KCNIP4: variants seen among roughly 807,000 people sequenced by gnomAD.
The protein encoded by KCNIP4 is Kv channel-interacting protein 4.
A neutral mutation model predicts 34.0 loss-of-function variants in KCNIP4; 12 were observed. The observed-to-expected ratio is 0.35, with a 90% CI of 0.23 to 0.57. KCNIP4 has a LOEUF of 0.57. Ranked by LOEUF, KCNIP4 falls within the 20% of genes least tolerant of loss-of-function variation. The probability of loss-of-function intolerance (pLI) is 0.83; values close to 1 mark genes in which losing one functional copy is unlikely to be tolerated. For missense variants in KCNIP4, 238 were observed against 311.7 expected, an observed-to-expected ratio of 0.76 and a Z score of 1.78; for synonymous variants, 124 against 102.2, an observed-to-expected ratio of 1.21 and a Z score of -1.29.
At chr4:21,121,015 C>T (rs1394952204) in intron 1 of KCNIP4, among the ~76,000 whole-genome samples, 1 of 152,180 alleles carries the variant, frequency 6.6e-6, no homozygotes. Flanking sequence ...GAGTGTGTGA[C>T]AGTTTGCCCC....
In KCNIP4 at chr4:21,762,882, G is replaced by A. The variant is rs1031514988; in HGVS notation, c.61+185689C>T. On this transcript the variant is annotated intron_variant, in intron 1 of 8. Coordinates refer to ENST00000382152, the MANE Select transcript of KCNIP4 (RefSeq NM_025221.6). ...AAAGGAGAATCCCAGAAGATTGGGA[G>A]GGGGGTGTAGGTGGATGGAATTGGA... 9 of 1,230,020 alleles carry A rather than the reference G, an allele frequency of 7.3e-6. No individual in the cohort carries two copies. The African/African-American group carries it at 9.3e-5, about 13-fold the overall frequency. The allele number at this position is 1,230,020 out of a possible 1,614,324, so 76.2% of individuals were successfully genotyped here.
At chr4:21,271,199 C>A (rs988953799) in intron 1 of KCNIP4, among the ~76,000 whole-genome samples, 14 of 152,098 alleles carry the variant, frequency 9.2e-5, no homozygotes, top group Non-Finnish European at 1.5e-4. Context: ...CACACGAAAT[C>A]TGAGGCATTC....
chr4:21,727,181 A>G (rs1021237949), intron 1 of KCNIP4, among the ~76,000 whole-genome samples: 3 of 152,304 alleles, frequency 2.0e-5, no homozygotes, highest in South Asian at 2.1e-4. Context: ...GACCTTTAAG[A>G]AATGATTAAG....
At chr4:20,947,080 T>C (rs1732266262) in intron 1 of KCNIP4, among the ~76,000 whole-genome samples, 1 of 152,210 alleles carries the variant, frequency 6.6e-6, no homozygotes, top group Non-Finnish European at 1.5e-5. Context: ...CCCTTAGTCT[T>C]GAGGGATCAG....
At chr4:21,087,145 A>AATGT (rs1553935800) in intron 1 of KCNIP4, among the ~76,000 whole-genome samples, 9 of 70,258 alleles carry the variant, frequency 1.3e-4, no homozygotes, top group Non-Finnish European at 2.5e-4. Flanking sequence ...ACTGCTGGGT[A>AATGT]ATGTGTGTGT....
intron 1 of KCNIP4, among the ~76,000 whole-genome samples, chr4:21,942,519 T>C (rs1463122798): frequency 3.3e-5 from 5 of 152,176 alleles, no homozygotes; most frequent in Admixed American, 6.5e-5. Flanking sequence ...CTGATAGTCA[T>C]GGTGCTATAG....
chr4:21,314,180 T>C (rs1160711454), intron 1 of KCNIP4, among the ~76,000 whole-genome samples: 1 of 152,212 alleles, frequency 6.6e-6, no homozygotes, highest in Non-Finnish European at 1.5e-5. Context: ...GGTAGGTTGC[T>C]CTTTCAATGC....
At chr4:21,044,649 G>T (rs531244809) in intron 1 of KCNIP4, among the ~76,000 whole-genome samples, 8 of 152,158 alleles carry the variant, frequency 5.3e-5, no homozygotes, top group Non-Finnish European at 1.2e-4. Flanking sequence ...GACTCCACAT[G>T]CTTCCAGAGC....
At chr4:21,106,509 T>C (rs2109086001) in intron 1 of KCNIP4, among the ~76,000 whole-genome samples, 1 of 151,704 alleles carries the variant, frequency 6.6e-6, no homozygotes, top group African/African-American at 2.4e-5. Context: ...TTAGTCTTGC[T>C]AGCAGTCTAT....
intron 1 of KCNIP4, among the ~76,000 whole-genome samples, chr4:21,564,301 C>T (rs1739673694): frequency 6.6e-6 from 1 of 152,080 alleles, no homozygotes; most frequent in African/African-American, 2.4e-5. Context: ...GTCCTTCTTC[C>T]ATGGATTTAA....
intron 1 of KCNIP4, among the ~76,000 whole-genome samples, chr4:21,539,755 C>T (rs538868973): frequency 3.9e-5 from 6 of 152,066 alleles, no homozygotes; most frequent in Middle Eastern, 3.4e-3. Context: ...CCCAGGCAGG[C>T]GGATCCCGAG....
At chr4:21,501,694 G>GTGTGTGTGTGTGTGTGTT (rs1733361983) in intron 1 of KCNIP4, among the ~76,000 whole-genome samples, 1 of 149,780 alleles carries the variant, frequency 6.7e-6, no homozygotes, top group Admixed American at 6.7e-5. Flanking sequence ...AGCCTTGTGT[G>GTGTGTGTGTGTGTGTGTT]TGTGTGTGTG....
intron 1 of KCNIP4, among the ~76,000 whole-genome samples, chr4:21,296,408 CT>C (rs201961246): frequency 0.013 from 1,862 of 144,548 alleles, 10 homozygotes; most frequent in Non-Finnish European, 0.015. Flanking sequence ...CTCTCTCTCT[CT>C]TTTTTTTTTT....
intron 1 of KCNIP4, among the ~76,000 whole-genome samples, chr4:21,090,896 C>G (rs1366469504): frequency 6.6e-6 from 1 of 152,052 alleles, no homozygotes; most frequent in Non-Finnish European, 1.5e-5. Flanking sequence ...GAATACAGAG[C>G]AAAAACAGAA....
intron 1 of KCNIP4, among the ~76,000 whole-genome samples, chr4:21,820,184 C>T (rs1722243745): frequency 6.6e-6 from 1 of 150,594 alleles, no homozygotes; most frequent in South Asian, 2.1e-4. Context: ...GTGCAAATCA[C>T]ATTACATATC....
intron 1 of KCNIP4, among the ~76,000 whole-genome samples, chr4:21,343,124 T>G (rs1716924024): frequency 6.6e-6 from 1 of 152,120 alleles, no homozygotes; most frequent in Non-Finnish European, 1.5e-5. Flanking sequence ...CAGTCTGCAT[T>G]TTCTTATAAT....
intron 1 of KCNIP4, among the ~76,000 whole-genome samples, chr4:21,073,368 G>A (rs1182721897): frequency 6.6e-6 from 1 of 152,146 alleles, no homozygotes; most frequent in Non-Finnish European, 1.5e-5. Flanking sequence ...CACGTCCCTT[G>A]TAAGTTGGAT....
chr4:21,184,129 G>T (rs2109330739), intron 1 of KCNIP4, among the ~76,000 whole-genome samples: 1 of 152,086 alleles, frequency 6.6e-6, no homozygotes, highest in East Asian at 1.9e-4. Context: ...CACTATGCAG[G>T]TGACCATGGC....
At position 20,817,470 on chromosome 4, in the gene KCNIP4, C is replaced by T. The variant is rs939409963; in HGVS notation, c.288+33073G>A. On this transcript the variant is annotated intron_variant, in intron 3 of 8. Coordinates refer to ENST00000382152, the MANE Select transcript of KCNIP4 (RefSeq NM_025221.6). ...GATCATCCCAATGCCTGCAATGCCC[C>T]CTCTCTGTCCAGGGAATGCTTTCTG... 8.5e-5 allele frequency among the ~76,000 whole-genome samples: 13 copies of T among 152,204 alleles called. 1 individual carries two copies. In the East Asian group the frequency reaches 2.1e-3, roughly 25 times the overall value.
Sources: gnomAD v4.1 joint callset for allele counts (sites outside exome capture counted in the v4.1 genomes callset) on GRCh38, gnomAD v4.1.1 for gene constraint, MANE v1.5 for transcripts, NCBI Gene and HGNC (gene_info 2026-07-23, HGNC 2026-07-21) for gene names.